RBFOX1: variants seen among roughly 807,000 people sequenced by gnomAD.
The protein encoded by RBFOX1 is RNA binding fox-1 homolog 1.
Under a neutral mutation model 57.7 loss-of-function variants are expected in RBFOX1, and 8 were observed. The observed-to-expected ratio is 0.14, with a 90% CI of 0.08 to 0.25. RBFOX1 has a LOEUF of 0.25. RBFOX1 is among the 10% of genes least tolerant of loss of function. The probability of loss-of-function intolerance (pLI) is 1.00; values close to 1 mark genes in which losing one functional copy is unlikely to be tolerated. For missense variants in RBFOX1, 611 were observed against 548.5 expected (o/e 1.11, Z -1.14); for synonymous variants, 326 against 222.4 (o/e 1.47, Z -4.15).
intron 3 of RBFOX1, among the ~76,000 whole-genome samples, chr16:6,681,837 G>C (rs2058698506): frequency 6.6e-6 from 1 of 152,158 alleles, no homozygotes; most frequent in Non-Finnish European, 1.5e-5. Context: ...ATACTCTAAA[G>C]ACAAAGTGAG....
intron 3 of RBFOX1, among the ~76,000 whole-genome samples, chr16:6,794,120 G>A (rs2083477368): frequency 6.6e-6 from 1 of 152,076 alleles, no homozygotes; most frequent in African/African-American, 2.4e-5. Flanking sequence ...GGGATGAGGT[G>A]TACTGTTAAA....
At chr16:7,057,455 C>T (rs944706327) in intron 4 of RBFOX1, among the ~76,000 whole-genome samples, 1 of 152,178 alleles carries the variant, frequency 6.6e-6, no homozygotes, top group Non-Finnish European at 1.5e-5. Flanking sequence ...CTCCCTCTAC[C>T]TTTATGCACA....
intron 2 of RBFOX1, among the ~76,000 whole-genome samples, chr16:6,605,651 C>G (rs974057433): frequency 6.6e-6 from 1 of 152,138 alleles, no homozygotes; most frequent in Non-Finnish European, 1.5e-5. Flanking sequence ...GTTCATTGTT[C>G]CAGAAATATT....
chr16:6,963,589 C>A (rs926745979), intron 3 of RBFOX1, among the ~76,000 whole-genome samples: 1 of 152,072 alleles, frequency 6.6e-6, no homozygotes, highest in Non-Finnish European at 1.5e-5. Flanking sequence ...AACTATAGGC[C>A]ATCCTAGAAA....
intron 3 of RBFOX1, among the ~76,000 whole-genome samples, chr16:6,957,091 A>AT (rs1419991908): frequency 3.1e-5 from 4 of 129,470 alleles, no homozygotes; most frequent in African/African-American, 8.7e-5. Context: ...TTTTTTGGTT[A>AT]TTTATTTTAT....
chr16:6,294,358 G>T (rs2077831334), intron 1 of RBFOX1, among the ~76,000 whole-genome samples: 3 of 152,204 alleles, frequency 2.0e-5, no homozygotes. Context: ...GGTTAGATGA[G>T]TTGGATTTGT....
At chr16:6,287,359 A>T (rs2077004774) in intron 1 of RBFOX1, among the ~76,000 whole-genome samples, 1 of 152,158 alleles carries the variant, frequency 6.6e-6, no homozygotes, top group African/African-American at 2.4e-5. Context: ...TTGTTTTCCC[A>T]GTAGGAAACA....
At chr16:6,018,249 CAG>C (rs1201243609), upstream of RBFOX1, among the ~76,000 whole-genome samples, 1 of 127,774 alleles carries the variant, frequency 7.8e-6, no homozygotes, top group African/African-American at 3.1e-5. Flanking sequence ...AGGGGAAGAG[CAG>C]AGTTTCTCAC....
At chr16:6,836,426 C>A (rs7204747) in intron 3 of RBFOX1, among the ~76,000 whole-genome samples, 66 of 152,328 alleles carry the variant, frequency 4.3e-4, no homozygotes, top group African/African-American at 1.4e-3. Flanking sequence ...TATTTCTCAA[C>A]AAACTCCTTA....
At chr16:6,498,941 C>T (rs188581767) in intron 2 of RBFOX1, among the ~76,000 whole-genome samples, 1 of 152,254 alleles carries the variant, frequency 6.6e-6, no homozygotes, top group African/African-American at 2.4e-5. Flanking sequence ...TGCCTTGGAG[C>T]CTTCTCCTCC....
intron 1 of RBFOX1, among the ~76,000 whole-genome samples, chr16:6,307,608 AAT>A (rs2079678905): frequency 6.8e-6 from 1 of 148,044 alleles, no homozygotes; most frequent in South Asian, 2.1e-4. Context: ...TCTGATACAT[AAT>A]GAGTTTTAAT....
chr16:7,005,209 G>GGGGATATACTGTA (rs1945913231), intron 3 of RBFOX1, among the ~76,000 whole-genome samples: 3 of 152,062 alleles, frequency 2.0e-5, no homozygotes, highest in Admixed American at 2.0e-4. Flanking sequence ...ACCTTTTTGT[G>GGGGATATACTGTA]TGTGGGACAT....
intron 3 of RBFOX1, among the ~76,000 whole-genome samples, chr16:5,781,858 G>T (rs1312288015): frequency 6.6e-6 from 1 of 152,186 alleles, no homozygotes; most frequent in Non-Finnish European, 1.5e-5. Flanking sequence ...TGAAGAGATT[G>T]TCTTAGTCCA....
chr16:7,484,572 C>T (rs113286191), intron 4 of RBFOX1, among the ~76,000 whole-genome samples: 2,482 of 152,286 alleles, frequency 0.016, 62 homozygotes, highest in African/African-American at 0.056. Flanking sequence ...AAGCAATTCT[C>T]CTACCTCAGC....
intron 4 of RBFOX1, among the ~76,000 whole-genome samples, chr16:7,278,457 C>T (rs2095482051): frequency 6.6e-6 from 1 of 152,202 alleles, no homozygotes; most frequent in Admixed American, 6.5e-5. Context: ...AGATGATTGA[C>T]TAAATATATT....
At chr16:5,586,135 G>C (rs2046821292) in intron 2 of RBFOX1, among the ~76,000 whole-genome samples, 1 of 152,178 alleles carries the variant, frequency 6.6e-6, no homozygotes, top group East Asian at 1.9e-4. Flanking sequence ...GGCACCTTGA[G>C]GATCTCTGTG....
intron 4 of RBFOX1, among the ~76,000 whole-genome samples, chr16:7,308,017 A>G (rs1159168435): frequency 6.6e-6 from 1 of 152,248 alleles, no homozygotes; most frequent in Non-Finnish European, 1.5e-5. Context: ...GCTTTGAGGA[A>G]TAATTCTGAA....
In RBFOX1 at chr16:5,804,969, G is replaced by C. The variant is rs114077263; in HGVS notation, c.319-62334G>C. 3.2e-3 allele frequency among the ~76,000 whole-genome samples: 488 copies of C among 152,266 alleles called. 3 individuals carry two copies. Among genetic ancestry groups the C allele is most frequent in the African/African-American group, 0.011 (463 of 41,544 alleles). ...TTTTAATAGTCCCACTAAAACTGCA[G>C]TATATTGGAAAATTTTGTAGATGAA... On this transcript the variant is annotated intron_variant, in intron 3 of 19. Coordinates refer to the RBFOX1 transcript ENST00000641259.
chr16:5,704,075 A>G (rs2051150452), intron 3 of RBFOX1, among the ~76,000 whole-genome samples: 1 of 152,074 alleles, frequency 6.6e-6, no homozygotes, highest in East Asian at 1.9e-4. Context: ...CCAGGTTCTT[A>G]TTACCCACCT....
Sources: allele counts gnomAD v4.1 joint callset (sites outside exome capture counted in the v4.1 genomes callset), GRCh38; gene constraint gnomAD v4.1.1; transcripts MANE v1.5; gene names NCBI Gene and HGNC (gene_info 2026-07-23, HGNC 2026-07-21).